Variants in ZNF407 observed in about 807,000 individuals in gnomAD.
ZNF407 encodes the protein zinc finger protein 407.
Under a neutral mutation model 131.2 loss-of-function variants are expected in ZNF407, and 17 were observed. That is an observed-to-expected ratio of 0.13 (90% confidence interval 0.09 to 0.19). The LOEUF (loss-of-function observed/expected upper bound fraction) is 0.19, where lower values mean the gene tolerates loss of function less well. Among genes scored for constraint, ZNF407 ranks in the 10% least tolerant of loss-of-function variants. The pLI is 1.00. For missense variants in ZNF407, 2,681 were observed against 2,830.6 expected, an observed-to-expected ratio of 0.95 and a Z score of 1.20; for synonymous variants, 1,156 against 1,062.0, an observed-to-expected ratio of 1.09 and a Z score of -1.72.
At chr18:75,041,714 A>T in intron 8 of ZNF407, among the ~76,000 whole-genome samples, 1 of 152,242 alleles carries the variant, frequency 6.6e-6, no homozygotes, top group East Asian at 1.9e-4. Flanking sequence ...GTAGAAACTA[A>T]GGAACAGTGT....
rs76644324 is a variant in ZNF407, at chr18:74,713,256, A to G, written c.4803-68172A>G. ...CTCCAAGACTCCTCCAATCTTTAAAATAAATGACATGGGCAATTTATACAT... is the reference window on the plus strand; with the variant it reads ...CTCCAAGACTCCTCCAATCTTTAAAGTAAATGACATGGGCAATTTATACAT... On this transcript the variant is annotated intron_variant, in intron 3 of 8. Coordinates refer to ENST00000299687, the MANE Select transcript of ZNF407 (RefSeq NM_017757.3). Among the ~76,000 whole-genome samples, 504 of 152,276 alleles carry G rather than the reference A, an allele frequency of 3.3e-3. 4 individuals are homozygous for G. The East Asian group carries it at 0.06, about 18-fold the overall frequency.
rs919362115 is a variant in ZNF407, at chr18:74,845,909, G to GA, written c.4878-31279dup. On this transcript the variant is annotated intron_variant, in intron 4 of 8. Coordinates refer to ENST00000299687, the MANE Select transcript of ZNF407 (RefSeq NM_017757.3). The stretch of plus-strand genomic sequence containing the variant: ...TTATGTAAGTTAGTTGTTAATATAG[G>GA]AAAAAAAAATCCCTCACACTTTGAA... 5.0e-4 allele frequency among the ~76,000 whole-genome samples: 76 copies of GA among 151,426 alleles called. 1 individual carries two copies. The highest frequency in any genetic ancestry group is 1.6e-3 in the African/African-American group (68 of 41,314).
chr18:74,884,223 C>A (rs8085262), intron 6 of ZNF407, among the ~76,000 whole-genome samples: 57,632 of 151,958 alleles, frequency 0.38, 12,455 homozygotes, highest in African/African-American at 0.59. Context: ...ATTTTCTTTC[C>A]AACTTTACAG....
intron 7 of ZNF407, among the ~76,000 whole-genome samples, chr18:74,896,814 T>C (rs1971459917): frequency 6.6e-6 from 1 of 152,178 alleles, no homozygotes; most frequent in Admixed American, 6.5e-5. Flanking sequence ...TCTGTTCAGG[T>C]GTTCTATAAT....
At chr18:74,918,216 G>C (rs1971798639) in intron 7 of ZNF407, among the ~76,000 whole-genome samples, 1 of 152,154 alleles carries the variant, frequency 6.6e-6, no homozygotes, top group Non-Finnish European at 1.5e-5. Context: ...ATGTGCTAGT[G>C]TCTCTGATAC....
At chr18:74,713,597 TA>T (rs1967821775) in intron 3 of ZNF407, among the ~76,000 whole-genome samples, 1 of 152,110 alleles carries the variant, frequency 6.6e-6, no homozygotes, top group African/African-American at 2.4e-5. Context: ...AGTCAAGAAA[TA>T]ACTCTTTTGG....
chr18:75,004,793 G>A (rs1050814337), intron 8 of ZNF407, among the ~76,000 whole-genome samples: 1 of 152,158 alleles, frequency 6.6e-6, no homozygotes, highest in Non-Finnish European at 1.5e-5. Flanking sequence ...TTTACTTTAT[G>A]TTGCAAAGTC....
intron 3 of ZNF407, among the ~76,000 whole-genome samples, chr18:74,689,463 G>C (rs1967170592): frequency 6.6e-6 from 1 of 152,190 alleles, no homozygotes; most frequent in Non-Finnish European, 1.5e-5. Flanking sequence ...TGCAGTCAAT[G>C]AAAGTTAGAA....
At chr18:74,948,537 G>A (rs1428624112) in intron 8 of ZNF407, among the ~76,000 whole-genome samples, 1 of 152,182 alleles carries the variant, frequency 6.6e-6, no homozygotes, top group African/African-American at 2.4e-5. Context: ...TTCTAATGCA[G>A]TAAATGTTGA....
intron 7 of ZNF407, among the ~76,000 whole-genome samples, chr18:74,916,260 T>G (rs1342387888): frequency 6.0e-5 from 7 of 117,456 alleles, no homozygotes; most frequent in Non-Finnish European, 1.6e-5. Flanking sequence ...TGTGAAGCAT[T>G]GGTTCGAATC....
intron 3 of ZNF407, among the ~76,000 whole-genome samples, chr18:74,701,146 C>T (rs1383588292): frequency 1.3e-5 from 2 of 152,110 alleles, no homozygotes; most frequent in African/African-American, 2.4e-5. Context: ...GAAGGCTCGC[C>T]CAGGCTTGCA....
At chr18:74,664,036 G>A (rs1433966472) in intron 3 of ZNF407, among the ~76,000 whole-genome samples, 1 of 152,194 alleles carries the variant, frequency 6.6e-6, no homozygotes, top group Non-Finnish European at 1.5e-5. Flanking sequence ...AGCAAGAAGT[G>A]CAGGAGGACA....
chr18:74,802,679 T>C (rs1970039935), intron 4 of ZNF407, among the ~76,000 whole-genome samples: 1 of 152,216 alleles, frequency 6.6e-6, no homozygotes, highest in Non-Finnish European at 1.5e-5. Context: ...ATTCTAAGTG[T>C]TTGACAAATA....
At chr18:74,897,984 T>G (rs1971475340) in intron 7 of ZNF407, 1 of 152,262 alleles carries the variant, frequency 6.6e-6, no homozygotes, top group Non-Finnish European at 1.5e-5. Context: ...GTCAGAGTGC[T>G]AAGATACTAG....
At chr18:74,915,185 G>A (rs1447520282) in intron 7 of ZNF407, among the ~76,000 whole-genome samples, 3 of 152,190 alleles carry the variant, frequency 2.0e-5, no homozygotes, top group Non-Finnish European at 4.4e-5. Context: ...ATAAGGTCTA[G>A]GGATATTTCC....
At chr18:74,799,337 T>C (rs1969977986) in intron 4 of ZNF407, among the ~76,000 whole-genome samples, 1 of 152,144 alleles carries the variant, frequency 6.6e-6, no homozygotes, top group Non-Finnish European at 1.5e-5. Flanking sequence ...ACTGTGGGCA[T>C]AGGAAAACCT....
intron 5 of ZNF407, among the ~76,000 whole-genome samples, chr18:74,879,368 G>GCA (rs1050194327): frequency 3.3e-5 from 5 of 152,030 alleles, no homozygotes; most frequent in African/African-American, 1.2e-4. Flanking sequence ...GTGTGGTGCT[G>GCA]CACACACACT....
intron 8 of ZNF407, among the ~76,000 whole-genome samples, chr18:74,940,232 C>T (rs1431003171): frequency 2.0e-5 from 3 of 152,136 alleles, no homozygotes; most frequent in Admixed American, 2.0e-4. Flanking sequence ...TGGGAGCCAC[C>T]AGTAGAGCAT....
intron 1 of ZNF407, among the ~76,000 whole-genome samples, chr18:74,600,600 A>G (rs893582814): frequency 1.3e-5 from 2 of 152,184 alleles, no homozygotes; most frequent in African/African-American, 2.4e-5. Context: ...GTCCAGCATA[A>G]CCACTGAACC....
Sources: allele counts gnomAD v4.1 joint callset (sites outside exome capture counted in the v4.1 genomes callset), GRCh38; gene constraint gnomAD v4.1.1; transcripts MANE v1.5; gene names NCBI Gene and HGNC (gene_info 2026-07-23, HGNC 2026-07-21).